Variants in MBP observed in about 807,000 individuals in gnomAD.
MBP encodes the protein myelin basic protein, also known as Golli-MBP.
A neutral mutation model predicts 35.8 loss-of-function variants in MBP; 16 were observed. That is an observed-to-expected ratio of 0.45 (90% CI 0.30 to 0.68). The LOEUF (loss-of-function observed/expected upper bound fraction) is 0.68. Ranked by LOEUF, MBP falls within the 30% of genes least tolerant of loss-of-function variation. MBP has a pLI of 0.08. For synonymous variants in MBP, 143 were observed against 159.6 expected, an observed-to-expected ratio of 0.90 and a Z score of 0.78; for missense variants, 380 against 404.7, an observed-to-expected ratio of 0.94 and a Z score of 0.52.
At chr18:77,060,445 CTCCT>C (rs1453828527) in intron 3 of MBP, among the ~76,000 whole-genome samples, 5 of 106,910 alleles carry the variant, frequency 4.7e-5, no homozygotes, top group Non-Finnish European at 6.6e-5. Flanking sequence ...TTCTCTCTCT[CTCCT>C]TTTTTTTTTT....
At chr18:76,987,417 A>C (rs1969618428) in intron 7 of MBP, 3 of 985,412 alleles carry the variant, frequency 3.0e-6, no homozygotes, top group Non-Finnish European at 3.6e-6. Context: ...CGTTTCGGTA[A>C]ATATCTTAGT....
intron 2 of MBP, chr18:77,097,326 C>T (rs1438976198): frequency 2.0e-5 from 3 of 152,274 alleles, no homozygotes; most frequent in Non-Finnish European, 4.4e-5. Flanking sequence ...ACAACTTTCT[C>T]CTCCTGGAAC....
intron 3 of MBP, among the ~76,000 whole-genome samples, chr18:77,049,680 A>G (rs1476795184): frequency 1.3e-5 from 2 of 150,700 alleles, no homozygotes; most frequent in Non-Finnish European, 3.0e-5. Flanking sequence ...TTTAATTTTT[A>G]TTTTATTTTA....
rs981380342 is a variant in MBP, at chr18:76,979,131, T to G, written c.*1296A>C. 7 of 152,180 alleles carry G rather than the reference T, an allele frequency of 4.6e-5. No individual in the cohort carries two copies. Among genetic ancestry groups the G allele is most frequent in the African/African-American group, 1.4e-4 (6 of 41,440 alleles). 9.4% of individuals were successfully genotyped at this position (152,180 alleles called of 1,614,324 possible). A position where few individuals can be genotyped will look rare whatever the true frequency, so the allele number is the denominator to read the frequency against. Reference sequence around the variant, plus strand: ...CGCGTTTTGGCATCACGCTGACTACTCCTCATCTCCGTCCTCGGGGAGGGT... The same window carrying G: ...CGCGTTTTGGCATCACGCTGACTACGCCTCATCTCCGTCCTCGGGGAGGGT... On this transcript the variant is annotated 3_prime_UTR_variant, in exon 9 of 9. Transcript: ENST00000355994.
intron 7 of MBP, 135 bp from the exon 8 acceptor site, chr18:76,985,029 C>A (rs1969463206): frequency 1.7e-5 from 25 of 1,498,022 alleles, no homozygotes; most frequent in Non-Finnish European, 2.2e-5. Flanking sequence ...TCAGGAGCCA[C>A]GGGCCAGCAC....
intron 2 of MBP, among the ~76,000 whole-genome samples, chr18:77,071,179 T>C (rs1448415545): frequency 3.3e-5 from 5 of 152,158 alleles, no homozygotes; most frequent in Non-Finnish European, 5.9e-5. Context: ...ATACAGCATA[T>C]TCTTAAAGTC....
At position 77,131,425 on chromosome 18, in the gene MBP, C is replaced by CGGGAGGCAGTTCCGG. The variant is rs1977267473; in HGVS notation, c.-26+1154_-26+1155insCCGGAACTGCCTCCC. The CGGGAGGCAGTTCCGG allele has an allele frequency of 6.6e-6, 1 of 152,220 alleles. No individual in the cohort carries two copies. Among genetic ancestry groups the CGGGAGGCAGTTCCGG allele is most frequent in the Admixed American group, 6.5e-5 (1 of 15,274 alleles). The allele number at this position is 152,220 out of a possible 1,614,324, so 9.4% of individuals were successfully genotyped here. A position where few individuals can be genotyped will look rare whatever the true frequency, so the allele number is the denominator to read the frequency against. Reference sequence around the variant, plus strand: ...CCAGGCGGGGCGTTCTGTGGTCAGACGAGGCAGAGGCCTCCCCGGAACGAA... The same window carrying CGGGAGGCAGTTCCGG: ...CCAGGCGGGGCGTTCTGTGGTCAGACGGGAGGCAGTTCCGGGAGGCAGAGGCCTCCCCGGAACGAA... On this transcript the variant is annotated intron_variant, in intron 1 of 8. Coordinates refer to ENST00000355994, the MANE Select transcript of MBP (RefSeq NM_001025101.2). This position sits in a 1 kb window ranked among gnomAD's most constrained non-coding sequence, Gnocchi z 5.5.
Position 76,988,555 on chromosome 18 carries a change from A to T in MBP, c.718-28T>A. ...GCATGAGGAAGACAGAGAAATAATG[A>T]CATGGTGGTCAGTGAAGGGAAAGTC... is the stretch of plus-strand genomic sequence containing the variant. On this transcript the variant is annotated intron_variant, in intron 6 of 8. Coordinates refer to ENST00000355994, the MANE Select transcript of MBP (RefSeq NM_001025101.2). This position sits in a 1 kb window ranked among gnomAD's most constrained non-coding sequence, Gnocchi z 5.2. 6.2e-7 allele frequency: 1 copy of T among 1,604,394 alleles called. No individual in the cohort carries two copies.
In MBP at chr18:77,080,835, A is replaced by G. The variant is rs565581403; in HGVS notation, c.52-14450T>C. On this transcript the variant is annotated intron_variant, in intron 2 of 8. Coordinates refer to ENST00000355994, the MANE Select transcript of MBP (RefSeq NM_001025101.2). ...AGTAGCTGGATTACAGGTGCTCGCC[A>G]CCACGCCCAGCTAACTGTTGTATTT... 5.3e-5 allele frequency among the ~76,000 whole-genome samples: 8 copies of G among 152,114 alleles called. No homozygotes were observed. In the East Asian group the frequency reaches 1.4e-3, roughly 26 times the overall value.
chr18:77,092,341 C>T (rs1054776110), intron 2 of MBP, among the ~76,000 whole-genome samples: 12 of 152,224 alleles, frequency 7.9e-5, no homozygotes, highest in Non-Finnish European at 1.8e-4. Context: ...CGCTCCCCAC[C>T]CCAGGAAACC....
chr18:77,099,355 G>T (rs749762933), intron 2 of MBP, among the ~76,000 whole-genome samples: 2 of 152,322 alleles, frequency 1.3e-5, no homozygotes, highest in East Asian at 3.9e-4. Flanking sequence ...AGGCCACACT[G>T]CACCATGAGA....
At chr18:77,084,327 C>T (rs1975109566) in intron 2 of MBP, among the ~76,000 whole-genome samples, 1 of 151,744 alleles carries the variant, frequency 6.6e-6, no homozygotes, top group Non-Finnish European at 1.5e-5. Flanking sequence ...GGAGGATTTT[C>T]ATGCATAAAT....
intron 3 of MBP, among the ~76,000 whole-genome samples, chr18:77,021,590 TCTC>T (rs946871647): frequency 2.6e-5 from 4 of 151,696 alleles, no homozygotes; most frequent in African/African-American, 9.7e-5. Context: ...TTCACGCCAT[TCTC>T]CTGCGTCAGC....
chr18:77,026,295 A>C (rs1212604803), intron 3 of MBP, among the ~76,000 whole-genome samples: 1 of 152,246 alleles, frequency 6.6e-6, no homozygotes, highest in Admixed American at 6.5e-5. Context: ...CTCGCTGGTG[A>C]TACCTTCTGG....
At chr18:77,082,687 C>A (rs1180319875) in intron 2 of MBP, among the ~76,000 whole-genome samples, 1 of 40,332 alleles carries the variant, frequency 2.5e-5, no homozygotes, top group Non-Finnish European at 6.4e-5. Context: ...CTCCCTGCAG[C>A]AGCTGGACCA....
At chr18:77,051,136 G>C (rs1489131913) in intron 3 of MBP, among the ~76,000 whole-genome samples, 1 of 152,218 alleles carries the variant, frequency 6.6e-6, no homozygotes, top group Non-Finnish European at 1.5e-5. Context: ...CTTCCTGTCA[G>C]AGGAAGAAAG....
At chr18:77,132,440 A>T (rs1189296776) in intron 1 of MBP, 140 bp downstream of exon 1, 1 of 152,246 alleles carries the variant, frequency 6.6e-6, no homozygotes, top group Non-Finnish European at 1.5e-5. Flanking sequence ...GCGTCGGGAT[A>T]GCTCCTGTCC....
At chr18:77,019,152 G>A (rs951222898) in intron 3 of MBP, among the ~76,000 whole-genome samples, 3 of 152,132 alleles carry the variant, frequency 2.0e-5, no homozygotes, top group African/African-American at 4.8e-5. Context: ...TGTAATTCAC[G>A]AGGTCCTTGT....
At chr18:77,061,340 T>C (rs1036406374) in intron 3 of MBP, among the ~76,000 whole-genome samples, 4 of 152,250 alleles carry the variant, frequency 2.6e-5, no homozygotes, top group South Asian at 2.1e-4. Context: ...CAAAGCTCTG[T>C]ATGCTTCAAA....
Sources: gnomAD v4.1 joint callset for allele counts (sites outside exome capture counted in the v4.1 genomes callset) on GRCh38, gnomAD v4.1.1 for gene constraint, Gnocchi (gnomAD v3.1) non-coding constraint, MANE v1.5 for transcripts, NCBI Gene and HGNC (gene_info 2026-07-23, HGNC 2026-07-21) for gene names.